The following ZCCHC17 variants were observed in gnomAD, a reference collection of about 807,000 sequenced individuals.
ZCCHC17 encodes zinc finger CCHC-type containing 17, also known as zinc finger CCHC domain-containing protein 17.
Under a neutral mutation model 30.6 loss-of-function variants are expected in ZCCHC17, and 18 were observed. That is an observed-to-expected ratio of 0.59 (90% CI 0.41 to 0.87). The LOEUF (loss-of-function observed/expected upper bound fraction) is 0.87, where lower values mean the gene tolerates loss of function less well. ZCCHC17 is among the 40% of genes least tolerant of loss of function. The probability of loss-of-function intolerance (pLI) is 0.00; values close to 1 mark genes in which losing one functional copy is unlikely to be tolerated. For synonymous variants in ZCCHC17, 88 were observed against 92.4 expected, an observed-to-expected ratio of 0.95 and a Z score of 0.27; for missense variants, 263 against 284.2, an observed-to-expected ratio of 0.93 and a Z score of 0.54.
At chr1:31,310,261 G>A in intron 2 of ZCCHC17, 97 bp downstream of exon 2, 1 of 1,254,276 alleles carries the variant, frequency 8.0e-7, no homozygotes. Flanking sequence ...AGTCTGTCTT[G>A]AGCATTACAG....
At chr1:31,350,395 C>T (rs1639429781) in intron 7 of ZCCHC17, among the ~76,000 whole-genome samples, 1 of 151,542 alleles carries the variant, frequency 6.6e-6, no homozygotes, top group Non-Finnish European at 1.5e-5. Flanking sequence ...CAAGAATTAG[C>T]CAAGTATATG....
chr1:31,309,270 T>C (rs1031366796), intron 1 of ZCCHC17, among the ~76,000 whole-genome samples: 4 of 152,306 alleles, frequency 2.6e-5, no homozygotes, highest in African/African-American at 9.6e-5. Flanking sequence ...TGTTCTCTCA[T>C]CTGTATAATA....
chr1:31,363,747 A>G (rs1432174414), intron 7 of ZCCHC17, among the ~76,000 whole-genome samples: 2 of 152,188 alleles, frequency 1.3e-5, no homozygotes, highest in Non-Finnish European at 2.9e-5. Context: ...GTGCCACTGC[A>G]CTGCACTCTA....
intron 1 of ZCCHC17, among the ~76,000 whole-genome samples, chr1:31,300,958 G>T (rs926759676): frequency 2.0e-5 from 3 of 151,792 alleles, no homozygotes; most frequent in Non-Finnish European, 2.9e-5. Context: ...AAAAAAAAGG[G>T]TGGTTTAGTG....
At chr1:31,354,329 T>C (rs932320130) in intron 7 of ZCCHC17, among the ~76,000 whole-genome samples, 19 of 152,358 alleles carry the variant, frequency 1.2e-4, no homozygotes, top group African/African-American at 4.6e-4. Context: ...TAACAGGATT[T>C]TTTTGTGGAC....
intron 7 of ZCCHC17, among the ~76,000 whole-genome samples, chr1:31,362,666 G>C (rs1639957524): frequency 6.6e-6 from 1 of 152,164 alleles, no homozygotes; most frequent in African/African-American, 2.4e-5. Flanking sequence ...TTTGATGGCA[G>C]TTATTTCCCC....
At chr1:31,319,887 C>A (rs1436678809) in intron 3 of ZCCHC17, among the ~76,000 whole-genome samples, 1 of 151,886 alleles carries the variant, frequency 6.6e-6, no homozygotes. Context: ...AAAAAGGCAA[C>A]CATAAGAATA....
intron 6 of ZCCHC17, 49 bp downstream of exon 6, chr1:31,346,789 C>G: frequency 6.2e-7 from 1 of 1,611,696 alleles, no homozygotes; most frequent in East Asian, 2.2e-5. Context: ...TGTGGATGGA[C>G]CCTTTTCTGG....
At chr1:31,320,381 T>G (rs974148058) in intron 3 of ZCCHC17, among the ~76,000 whole-genome samples, 2 of 152,214 alleles carry the variant, frequency 1.3e-5, no homozygotes, top group African/African-American at 2.4e-5. Flanking sequence ...GTTTCTTTGG[T>G]ATATTCAGAG....
At chr1:31,299,342 T>C (rs1646250034) in intron 1 of ZCCHC17, among the ~76,000 whole-genome samples, 1 of 152,218 alleles carries the variant, frequency 6.6e-6, no homozygotes, top group African/African-American at 2.4e-5. Context: ...AAAAAATTTT[T>C]TTCCAGCATA....
chr1:31,313,439 A>G (rs1646654567), intron 2 of ZCCHC17, among the ~76,000 whole-genome samples: 2 of 152,168 alleles, frequency 1.3e-5, no homozygotes, highest in Non-Finnish European at 2.9e-5. Context: ...TACTTGCTTT[A>G]TATGGTTGAC....
chr1:31,329,491 A>C (rs1407559953), intron 3 of ZCCHC17, among the ~76,000 whole-genome samples: 2 of 152,234 alleles, frequency 1.3e-5, no homozygotes, highest in African/African-American at 4.8e-5. Context: ...TCAGTTTAGC[A>C]AATAATTATT....
At chr1:31,322,712 A>G (rs986545135) in intron 3 of ZCCHC17, among the ~76,000 whole-genome samples, 2 of 124,088 alleles carry the variant, frequency 1.6e-5, no homozygotes, top group Non-Finnish European at 3.3e-5. Flanking sequence ...GTCAGAGGGT[A>G]GGGCTGAAAT....
chr1:31,319,514 A>C (rs961595440), intron 3 of ZCCHC17, among the ~76,000 whole-genome samples: 6 of 152,194 alleles, frequency 3.9e-5, no homozygotes, highest in African/African-American at 1.4e-4. Flanking sequence ...TGAGTTTTCT[A>C]GTAGATAGCG....
chr1:31,328,306 AGT>A (rs1638439748), intron 3 of ZCCHC17, among the ~76,000 whole-genome samples: 1 of 152,052 alleles, frequency 6.6e-6, no homozygotes, highest in Non-Finnish European at 1.5e-5. Context: ...TGAGCTCAGG[AGT>A]TTGAGACCAG....
In ZCCHC17 at chr1:31,341,946, C is replaced by T. The variant is rs189953540; in HGVS notation, c.317+2898C>T. On this transcript the variant is annotated intron_variant, in intron 5 of 7. Transcript: ENST00000344147. ...TCTTTTTTCCTCATACTATGGTGTA[C>T]GGAACCACACCTTTGCTTTTGAAAG... 2.8e-4 allele frequency among the ~76,000 whole-genome samples: 42 copies of T among 152,178 alleles called. No individual in the cohort carries two copies. In the East Asian group the frequency reaches 3.5e-3, roughly 13 times the overall value.
intron 1 of ZCCHC17, among the ~76,000 whole-genome samples, chr1:31,309,077 T>G (rs1265721294): frequency 6.6e-6 from 1 of 152,190 alleles, no homozygotes; most frequent in Non-Finnish European, 1.5e-5. Context: ...TATCTGAACT[T>G]TCACAGTGTG....
chr1:31,324,207 A>G (rs1006083422), intron 3 of ZCCHC17, among the ~76,000 whole-genome samples: 5 of 152,248 alleles, frequency 3.3e-5, no homozygotes, highest in African/African-American at 1.2e-4. Flanking sequence ...GAGTGGTGGC[A>G]TGCACCTGTA....
At chr1:31,323,234 A>T (rs1014003136) in intron 3 of ZCCHC17, among the ~76,000 whole-genome samples, 2 of 152,238 alleles carry the variant, frequency 1.3e-5, no homozygotes, top group Non-Finnish European at 2.9e-5. Flanking sequence ...CAATGCCAGC[A>T]TCCTGGTTGT....
Sources: gnomAD v4.1 joint callset for allele counts (sites outside exome capture counted in the v4.1 genomes callset) on GRCh38, gnomAD v4.1.1 for gene constraint, MANE v1.5 for transcripts, NCBI Gene and HGNC (gene_info 2026-07-23, HGNC 2026-07-21) for gene names.